The following APP variants were observed in gnomAD, a reference collection of about 807,000 sequenced individuals.
APP encodes amyloid beta precursor protein, also known as amyloid-beta precursor protein.
APP carries 31 observed loss-of-function variants against 101.4 expected under a neutral mutation model. The observed-to-expected ratio is 0.31, with a 90% CI of 0.23 to 0.41. The LOEUF is 0.41. Ranked by LOEUF, APP falls within the 10% of genes least tolerant of loss-of-function variation. The pLI is 1.00. For missense variants in APP, 839 were observed against 1,003.7 expected (o/e 0.84, Z 2.22); for synonymous variants, 366 against 364.4 (o/e 1.00, Z -0.05).
At chr21:25,964,891 C>T (rs932844917) in intron 11 of APP, among the ~76,000 whole-genome samples, 9 of 152,184 alleles carry the variant, frequency 5.9e-5, no homozygotes, top group South Asian at 2.1e-4. Context: ...TGAGCCACCA[C>T]GCCTGGCTGA....
intron 5 of APP, among the ~76,000 whole-genome samples, chr21:26,032,487 C>G (rs1211642807): frequency 1.3e-5 from 2 of 152,174 alleles, no homozygotes; most frequent in African/African-American, 4.8e-5. Context: ...AGTGCTGCCA[C>G]CTGCCAGCTC....
chr21:26,088,107 G>A (rs2061740278), intron 3 of APP, among the ~76,000 whole-genome samples: 1 of 152,098 alleles, frequency 6.6e-6, no homozygotes, highest in African/African-American at 2.4e-5. Context: ...ACAGTGCTGG[G>A]ATTATAGGCT....
rs781612814 is a variant in APP at position 25,997,341 on chromosome 21, C to T, written c.1090+19G>A. 5 of 1,611,484 alleles carry T rather than the reference C, an allele frequency of 3.1e-6. No individual in the cohort carries two copies. In the African/African-American group the frequency reaches 6.7e-5, roughly 22 times the overall value. ...ATCCTCCTCCCCTCTTCCCTTCCCT[C>T]AGGTGAATGACAACGTACGTTTAAC... On this transcript the variant is annotated intron_variant, in intron 8 of 17. Transcript: ENST00000346798.
chr21:26,026,343 T>G (rs965115453), intron 5 of APP, among the ~76,000 whole-genome samples: 1 of 152,208 alleles, frequency 6.6e-6, no homozygotes, highest in African/African-American at 2.4e-5. Context: ...CCAGAGTATC[T>G]GAATTTAATA....
At chr21:26,068,176 C>T (rs924923138) in intron 3 of APP, 2 of 152,330 alleles carry the variant, frequency 1.3e-5, no homozygotes, top group African/African-American at 4.8e-5. Flanking sequence ...CAGGAAGAGG[C>T]ATTTTCACAG....
intron 3 of APP, among the ~76,000 whole-genome samples, chr21:26,088,511 T>C (rs1359765129): frequency 6.6e-6 from 1 of 152,104 alleles, no homozygotes; most frequent in Non-Finnish European, 1.5e-5. Context: ...AAGAAACAAA[T>C]CATTAACAAA....
At chr21:25,921,464 A>G (rs201876518) in intron 13 of APP, among the ~76,000 whole-genome samples, 27,980 of 147,012 alleles carry the variant, frequency 0.19, 3,751 homozygotes, top group African/African-American at 0.38. Flanking sequence ...AAGGATCAAC[A>G]AAATTGATAG....
chr21:26,159,718 AT>A (rs1176153071), intron 1 of APP, among the ~76,000 whole-genome samples: 2 of 152,110 alleles, frequency 1.3e-5, no homozygotes, highest in Non-Finnish European at 2.9e-5. Flanking sequence ...AGACACTAAT[AT>A]TTTTTTCTCA....
chr21:26,013,577 A>C (rs1444617796), intron 6 of APP, among the ~76,000 whole-genome samples: 1 of 152,066 alleles, frequency 6.6e-6, no homozygotes, highest in East Asian at 1.9e-4. Context: ...AATTGGACTA[A>C]AATTTTATTT....
At position 25,891,684 on chromosome 21, in the gene APP, T is replaced by G. The variant is rs201465309; in HGVS notation, c.2211+38A>C. 32 of 1,608,868 alleles carry G rather than the reference T, an allele frequency of 2.0e-5. 1 individual carries two copies. The South Asian group carries it at 3.1e-4, about 15-fold the overall frequency. Reference sequence around the variant, plus strand: ...GCTAAGCCTAATTCTCTCATAGTCTTAATTCCCACTTGGAAACATGCAGTC... The same window carrying G: ...GCTAAGCCTAATTCTCTCATAGTCTGAATTCCCACTTGGAAACATGCAGTC... On this transcript the variant is annotated intron_variant, in intron 17 of 17. Transcript: ENST00000346798.
chr21:26,129,106 C>G (rs1022488280), intron 1 of APP, among the ~76,000 whole-genome samples: 1 of 152,036 alleles, frequency 6.6e-6, no homozygotes, highest in African/African-American at 2.4e-5. Context: ...ATTTCAGAAG[C>G]AAATCATGAG....
intron 3 of APP, among the ~76,000 whole-genome samples, chr21:26,061,089 G>T (rs1468708463): frequency 2.0e-5 from 3 of 152,198 alleles, no homozygotes; most frequent in African/African-American, 7.2e-5. Flanking sequence ...AGATGACAAT[G>T]ACTTGGACCA....
At chr21:25,992,309 A>G (rs1044256579) in intron 8 of APP, among the ~76,000 whole-genome samples, 3 of 151,390 alleles carry the variant, frequency 2.0e-5, no homozygotes, top group Admixed American at 1.3e-4. Flanking sequence ...GATCTCTTGA[A>G]CCCAGGAGGC....
chr21:25,958,137 T>C (rs1056854966), intron 11 of APP, among the ~76,000 whole-genome samples: 1 of 152,198 alleles, frequency 6.6e-6, no homozygotes, highest in African/African-American at 2.4e-5. Context: ...CAGGATGCCA[T>C]GGCCCCAGGC....
At chr21:26,163,651 TTCTTG>T (rs1314314593) in intron 1 of APP, among the ~76,000 whole-genome samples, 6 of 152,330 alleles carry the variant, frequency 3.9e-5, no homozygotes, top group Admixed American at 1.3e-4. Context: ...ACTTCTTGTC[TTCTTG>T]TCTTTAGTTG....
chr21:25,887,439 C>T (rs987953734), intron 17 of APP, among the ~76,000 whole-genome samples: 11 of 146,856 alleles, frequency 7.5e-5, no homozygotes, highest in African/African-American at 2.3e-4. Flanking sequence ...CTTGGGAAAG[C>T]GTGGCCAATG....
chr21:25,964,524 T>A (rs980350609), intron 11 of APP, among the ~76,000 whole-genome samples: 2 of 152,028 alleles, frequency 1.3e-5, no homozygotes, highest in African/African-American at 4.8e-5. Flanking sequence ...ACCTGGGAAG[T>A]AAAGACAAGA....
intron 7 of APP, 51 bp downstream of exon 7, chr21:25,999,964 C>T (rs373012911): frequency 1.4e-5 from 23 of 1,594,124 alleles, no homozygotes; most frequent in Non-Finnish European, 1.9e-5. Flanking sequence ...AAAGCAGAGT[C>T]AGTGGCGAGA....
chr21:25,932,118 T>C (rs1305906886), intron 13 of APP, among the ~76,000 whole-genome samples: 2 of 152,216 alleles, frequency 1.3e-5, no homozygotes, highest in African/African-American at 4.8e-5. Flanking sequence ...TGTTAAGAAC[T>C]AGAGAGTGAA....
Sources: gnomAD v4.1 joint callset for allele counts (sites outside exome capture counted in the v4.1 genomes callset) on GRCh38, gnomAD v4.1.1 for gene constraint, MANE v1.5 for transcripts, NCBI Gene and HGNC (gene_info 2026-07-23, HGNC 2026-07-21) for gene names.